The following LIX1 variants were observed in gnomAD, a reference collection of about 807,000 sequenced individuals.
LIX1 encodes the protein limb and CNS expressed 1.
In LIX1, 24 loss-of-function variants were observed where a neutral mutation model predicts 33.4. That is an observed-to-expected ratio of 0.72 (90% CI 0.52 to 1.01). LIX1 has a LOEUF of 1.01. Among genes scored for constraint, LIX1 ranks in the 50% least tolerant of loss-of-function variants. The pLI is 0.00. For synonymous variants in LIX1, 124 were observed against 124.0 expected, an observed-to-expected ratio of 1.00 and a Z score of 0.00; for missense variants, 311 against 339.2, an observed-to-expected ratio of 0.92 and a Z score of 0.65.
At chr5:97,096,976 T>C in intron 4 of LIX1, 89 bp from the exon 5 acceptor site, 1 of 979,348 alleles carries the variant, frequency 1.0e-6, no homozygotes, top group Non-Finnish European at 1.6e-6. Context: ...TTCCCAAATA[T>C]ATCAGGAAAC....
At chr5:97,104,160 T>C (rs1324876048) in intron 4 of LIX1, among the ~76,000 whole-genome samples, 1 of 152,132 alleles carries the variant, frequency 6.6e-6, no homozygotes, top group African/African-American at 2.4e-5. Context: ...AAGAAGGTAT[T>C]TGAAAGTTGT....
chr5:97,092,403 A>AG lies in LIX1; in HGVS notation c.*2344_*2345insC, dbSNP rs2112739154. The AG allele has an allele frequency of 6.6e-6, 1 of 152,448 alleles. No homozygotes were observed. Among genetic ancestry groups the AG allele is most frequent in the African/African-American group, 2.4e-5 (1 of 41,540 alleles). The allele number at this position is 152,448 out of a possible 1,614,324, so 9.4% of individuals were successfully genotyped here. A position where few individuals can be genotyped will look rare whatever the true frequency, so the allele number is the denominator to read the frequency against. On this transcript the variant is annotated 3_prime_UTR_variant, in exon 6 of 6. Transcript: ENST00000274382. ...GAACAAGATATAGAAAAGGAAAAAA[A>AG]AAATCTGCTTTGCTCTTCAACCCTC...
chr5:97,108,012 A>G (rs1192956529), intron 2 of LIX1, among the ~76,000 whole-genome samples: 3 of 152,134 alleles, frequency 2.0e-5, no homozygotes, highest in Non-Finnish European at 2.9e-5. Flanking sequence ...CTGCACCTCA[A>G]TTTCCTCCTC....
In LIX1 at chr5:97,142,577, C is replaced by G. The variant is rs1176453315; in HGVS notation, c.-1G>C. The G allele has an allele frequency of 1.9e-6, 3 of 1,613,816 alleles. No individual in the cohort carries two copies. Among genetic ancestry groups the G allele is most frequent in the Non-Finnish European group, 2.5e-6 (3 of 1,179,712 alleles). On this transcript the variant is annotated 5_prime_UTR_variant, in exon 1 of 6. Transcript: ENST00000274382. ...TCAGAGATTCCAAGGTTCTGTCCAT[C>G]TTGGGTCTGCCTGTGTGAGCCTCCT... is the stretch of plus-strand genomic sequence containing the variant.
intron 3 of LIX1, among the ~76,000 whole-genome samples, chr5:97,105,751 T>TG (rs1359889394): frequency 2.6e-5 from 4 of 152,236 alleles, no homozygotes; most frequent in Non-Finnish European, 5.9e-5. Context: ...ATGCTGGTGT[T>TG]TAGCCTGGAG....
intron 2 of LIX1, among the ~76,000 whole-genome samples, chr5:97,121,903 C>A (rs551132167): frequency 3.9e-4 from 59 of 152,260 alleles, no homozygotes; most frequent in African/African-American, 1.4e-3. Flanking sequence ...CAGCTGGGTG[C>A]TTCGTATTGA....
intron 2 of LIX1, among the ~76,000 whole-genome samples, chr5:97,112,678 G>A (rs773258533): frequency 1.3e-5 from 2 of 152,106 alleles, no homozygotes; most frequent in East Asian, 1.9e-4. Flanking sequence ...CATGCTTTCC[G>A]AGTGGCCAGC....
intron 2 of LIX1, among the ~76,000 whole-genome samples, chr5:97,107,776 A>G (rs1212678390): frequency 6.6e-6 from 1 of 152,230 alleles, no homozygotes; most frequent in Non-Finnish European, 1.5e-5. Context: ...TCTATTAATG[A>G]GTAATGATAA....
At chr5:97,104,470 G>A (rs1470061835) in intron 4 of LIX1, among the ~76,000 whole-genome samples, 1 of 152,132 alleles carries the variant, frequency 6.6e-6, no homozygotes, top group Non-Finnish European at 1.5e-5. Context: ...CAGACTGCCT[G>A]ACCCTGAACC....
chr5:97,138,979 C>A (rs1748226989), intron 1 of LIX1, among the ~76,000 whole-genome samples: 1 of 152,134 alleles, frequency 6.6e-6, no homozygotes, highest in South Asian at 2.1e-4. Context: ...TACAACACTT[C>A]TGGTCCCAAG....
Position 97,094,562 on chromosome 5 carries a change from G to C in LIX1, c.*186C>G, listed in dbSNP as rs1038304284. 1.8e-6 allele frequency: 1 copy of C among 556,118 alleles called. No homozygotes were observed. Among genetic ancestry groups the C allele is most frequent in the African/African-American group, 1.9e-5 (1 of 53,214 alleles). 34.4% of individuals were successfully genotyped at this position (556,118 alleles called of 1,614,324 possible). ...TGAGAATGTGATAGAAAAATGCATC[G>C]AGTGGCTTGTTGGGTCTTGTAAGGG... is the stretch of plus-strand genomic sequence containing the variant. On this transcript the variant is annotated 3_prime_UTR_variant, in exon 6 of 6. Transcript: ENST00000274382.
intron 2 of LIX1, among the ~76,000 whole-genome samples, chr5:97,107,927 C>G (rs1395428539): frequency 6.6e-6 from 1 of 152,136 alleles, no homozygotes; most frequent in Non-Finnish European, 1.5e-5. Flanking sequence ...ATTAAGAACA[C>G]AAATTCTAGA....
chr5:97,114,690 A>G (rs572945115), intron 2 of LIX1, among the ~76,000 whole-genome samples: 2 of 152,218 alleles, frequency 1.3e-5, no homozygotes, highest in African/African-American at 2.4e-5. Flanking sequence ...ATGTGGACCC[A>G]GGACAACTCT....
chr5:97,117,782 A>G (rs1472838131), intron 2 of LIX1, among the ~76,000 whole-genome samples: 2 of 152,228 alleles, frequency 1.3e-5, no homozygotes, highest in East Asian at 1.9e-4. Flanking sequence ...CCAGATTGGC[A>G]TAAAAATCAA....
chr5:97,109,284 T>A (rs558404906), intron 2 of LIX1, among the ~76,000 whole-genome samples: 7 of 152,130 alleles, frequency 4.6e-5, no homozygotes, highest in Non-Finnish European at 8.8e-5. Context: ...AAAGACTGAT[T>A]CTCCTGTCAC....
intron 5 of LIX1, among the ~76,000 whole-genome samples, chr5:97,095,415 T>C (rs904051498): frequency 3.9e-5 from 6 of 152,192 alleles, no homozygotes; most frequent in Non-Finnish European, 7.3e-5. Context: ...TTTGGAAAGA[T>C]AAAGAGAGGG....
At chr5:97,116,835 C>G (rs1312385593) in intron 2 of LIX1, among the ~76,000 whole-genome samples, 1 of 151,902 alleles carries the variant, frequency 6.6e-6, no homozygotes, top group Non-Finnish European at 1.5e-5. Context: ...GGCTTTCTTC[C>G]CCACTCAGCA....
intron 4 of LIX1, among the ~76,000 whole-genome samples, chr5:97,104,975 C>T (rs1278504520): frequency 2.0e-5 from 3 of 152,128 alleles, no homozygotes; most frequent in African/African-American, 2.4e-5. Flanking sequence ...TTTATAAAAG[C>T]AAAGATTGTT....
At chr5:97,141,641 C>G (rs565800291) in intron 1 of LIX1, among the ~76,000 whole-genome samples, 4 of 152,170 alleles carry the variant, frequency 2.6e-5, no homozygotes, top group Admixed American at 2.0e-4. Flanking sequence ...AAGAGGAAAG[C>G]TGCAACCTAT....
Sources: allele counts gnomAD v4.1 joint callset (sites outside exome capture counted in the v4.1 genomes callset), GRCh38; gene constraint gnomAD v4.1.1; transcripts MANE v1.5; gene names NCBI Gene and HGNC (gene_info 2026-07-23, HGNC 2026-07-21).